ULK4: variants seen among roughly 807,000 people sequenced by gnomAD.
The protein encoded by ULK4 is inactive serine/threonine-protein kinase ULK4.
In ULK4, 133 loss-of-function variants were observed where a neutral mutation model predicts 160.6. The ratio of observed to expected loss-of-function variants is 0.83; its 90% CI spans 0.72 to 0.96. The LOEUF (loss-of-function observed/expected upper bound fraction) is 0.96, where lower values mean the gene tolerates loss of function less well. ULK4 is among the 40% of genes least tolerant of loss of function. The pLI, the probability that ULK4 is intolerant of heterozygous loss-of-function variation, is 0.00. For synonymous variants in ULK4, 534 were observed against 539.8 expected (o/e 0.99, Z 0.15); for missense variants, 1,580 against 1,499.5 (o/e 1.05, Z -0.89).
intron 35 of ULK4, among the ~76,000 whole-genome samples, chr3:41,279,254 G>GAA (rs2079295716): frequency 3.7e-5 from 2 of 54,206 alleles, no homozygotes; most frequent in African/African-American, 1.2e-4. Flanking sequence ...GAAAAAAAGA[G>GAA]TAAAAAAAAA....
chr3:41,872,446 G>A (rs1482872647), intron 17 of ULK4, among the ~76,000 whole-genome samples: 2 of 152,136 alleles, frequency 1.3e-5, no homozygotes, highest in Non-Finnish European at 2.9e-5. Flanking sequence ...TTTCCCAGCA[G>A]GGCCAAATTC....
chr3:41,647,111 T>C (rs190401608), intron 30 of ULK4, among the ~76,000 whole-genome samples: 1 of 152,304 alleles, frequency 6.6e-6, no homozygotes, highest in East Asian at 1.9e-4. Flanking sequence ...TTTTTTAAAG[T>C]TTGTAACTTC....
intron 30 of ULK4, among the ~76,000 whole-genome samples, chr3:41,619,014 A>G (rs1199776200): frequency 6.6e-6 from 1 of 152,180 alleles, no homozygotes; most frequent in Non-Finnish European, 1.5e-5. Flanking sequence ...AAACCAACAA[A>G]GATCAAAAAA....
At chr3:41,479,765 T>C (rs1394231013) in intron 32 of ULK4, among the ~76,000 whole-genome samples, 1 of 152,194 alleles carries the variant, frequency 6.6e-6, no homozygotes, top group Admixed American at 6.5e-5. Flanking sequence ...TTTTATCCTG[T>C]AGGCAATACA....
At chr3:41,539,036 T>G (rs1236310224) in intron 32 of ULK4, among the ~76,000 whole-genome samples, 1 of 5,832 alleles carries the variant, frequency 1.7e-4, no homozygotes, top group African/African-American at 6.2e-4. Flanking sequence ...TTTTTCTTAG[T>G]TTTTTTTTTT....
intron 32 of ULK4, among the ~76,000 whole-genome samples, chr3:41,472,994 T>C (rs1048023555): frequency 8.6e-5 from 13 of 151,906 alleles, no homozygotes; most frequent in Admixed American, 6.6e-5. Flanking sequence ...CACATAAGAA[T>C]GAAGGAAAAA....
At chr3:41,601,250 C>A (rs914328511) in intron 31 of ULK4, among the ~76,000 whole-genome samples, 6 of 151,896 alleles carry the variant, frequency 4.0e-5, no homozygotes, top group African/African-American at 1.5e-4. Context: ...TAATACATAA[C>A]AAAGTGATAG....
At chr3:41,907,979 G>A in intron 11 of ULK4, 38 bp from the exon 12 acceptor site, 2 of 1,463,426 alleles carry the variant, frequency 1.4e-6, no homozygotes, top group Non-Finnish European at 1.9e-6. Flanking sequence ...TTCAATTCCA[G>A]ACAGTTTATT....
intron 35 of ULK4, among the ~76,000 whole-genome samples, chr3:41,394,419 G>A (rs1043070191): frequency 9.2e-5 from 14 of 151,976 alleles, no homozygotes; most frequent in Non-Finnish European, 1.9e-4. Context: ...AATGTAAGTC[G>A]AAAATGCATT....
At chr3:41,267,774 G>C (rs930241771) in intron 35 of ULK4, among the ~76,000 whole-genome samples, 1 of 152,156 alleles carries the variant, frequency 6.6e-6, no homozygotes, top group Non-Finnish European at 1.5e-5. Context: ...TGCTACTCTC[G>C]TTTACAGATG....
At chr3:41,532,866 T>G (rs966318909) in intron 32 of ULK4, among the ~76,000 whole-genome samples, 2 of 152,198 alleles carry the variant, frequency 1.3e-5, no homozygotes, top group African/African-American at 4.8e-5. Flanking sequence ...CTGTGGTAGA[T>G]TAAAGATGGC....
intron 20 of ULK4, among the ~76,000 whole-genome samples, chr3:41,793,399 C>A (rs570198398): frequency 2.6e-5 from 4 of 152,282 alleles, no homozygotes; most frequent in Non-Finnish European, 5.9e-5. Flanking sequence ...TGAGCAGAAT[C>A]ACCAAGGAAG....
intron 35 of ULK4, among the ~76,000 whole-genome samples, chr3:41,362,207 CAAA>C: frequency 6.6e-6 from 1 of 152,174 alleles, no homozygotes; most frequent in South Asian, 2.1e-4. Context: ...CTTAAAGACA[CAAA>C]AAATGCAACT....
intron 2 of ULK4, among the ~76,000 whole-genome samples, chr3:41,943,042 T>C (rs936568494): frequency 1.3e-5 from 2 of 151,584 alleles, no homozygotes. Flanking sequence ...TGAAACCCCA[T>C]CTCTACTAAA....
intron 27 of ULK4, among the ~76,000 whole-genome samples, chr3:41,694,946 A>G (rs184074247): frequency 1.3e-5 from 2 of 152,350 alleles, no homozygotes; most frequent in African/African-American, 2.4e-5. Context: ...TCAGGCTGCT[A>G]TAACAAATGC....
intron 30 of ULK4, among the ~76,000 whole-genome samples, chr3:41,657,440 G>A (rs2034978777): frequency 6.6e-6 from 1 of 152,134 alleles, no homozygotes; most frequent in South Asian, 2.1e-4. Context: ...AGTTAAGTTT[G>A]TAACAAATGG....
At chr3:41,361,866 T>A (rs1358209211) in intron 35 of ULK4, among the ~76,000 whole-genome samples, 2 of 152,340 alleles carry the variant, frequency 1.3e-5, no homozygotes, top group Admixed American at 1.3e-4. Flanking sequence ...GTATCTGTCA[T>A]TATGAAGTAA....
At chr3:41,644,633 G>A (rs1240196026) in intron 30 of ULK4, among the ~76,000 whole-genome samples, 8 of 152,068 alleles carry the variant, frequency 5.3e-5, no homozygotes, top group East Asian at 3.9e-4. Flanking sequence ...GTGTTCATCA[G>A]GGATATTGGT....
chr3:41,903,685 T>C (rs1698451282), intron 12 of ULK4, among the ~76,000 whole-genome samples: 1 of 151,816 alleles, frequency 6.6e-6, no homozygotes, highest in Non-Finnish European at 1.5e-5. Context: ...TATGCACGAA[T>C]GCCATATAAC....
Sources: allele counts gnomAD v4.1 joint callset (sites outside exome capture counted in the v4.1 genomes callset), GRCh38; gene constraint gnomAD v4.1.1; transcripts MANE v1.5; gene names NCBI Gene and HGNC (gene_info 2026-07-23, HGNC 2026-07-21).